The following ERC2 variants were observed in gnomAD, a reference collection of about 807,000 sequenced individuals.
The protein encoded by ERC2 is ELKS/RAB6-interacting/CAST family member 2.
Under a neutral mutation model 114.8 loss-of-function variants are expected in ERC2, and 42 were observed. That is an observed-to-expected ratio of 0.37 (90% CI 0.29 to 0.47). ERC2 has a LOEUF of 0.47. ERC2 is among the 20% of genes least tolerant of loss of function. The pLI is 0.99. For missense variants in ERC2, 939 were observed against 1,150.7 expected, an observed-to-expected ratio of 0.82 and a Z score of 2.66; for synonymous variants, 454 against 425.5, an observed-to-expected ratio of 1.07 and a Z score of -0.82.
chr3:55,743,484 CCTT>C (rs2066098936), intron 14 of ERC2, among the ~76,000 whole-genome samples: 2 of 151,236 alleles, frequency 1.3e-5, no homozygotes, highest in African/African-American at 4.9e-5. Context: ...TGAATCCTGT[CCTT>C]CTAGAGAATT....
At chr3:55,697,304 T>C (rs554911721) in intron 16 of ERC2, among the ~76,000 whole-genome samples, 1 of 152,294 alleles carries the variant, frequency 6.6e-6, no homozygotes, top group East Asian at 1.9e-4. Context: ...TGTCCATGGG[T>C]TGCTTAGAGT....
chr3:55,584,895 C>T (rs2057516815), intron 17 of ERC2, among the ~76,000 whole-genome samples: 1 of 152,202 alleles, frequency 6.6e-6, no homozygotes, highest in Non-Finnish European at 1.5e-5. Flanking sequence ...TCAAGCTAAG[C>T]AGAGGCCCTG....
At chr3:55,772,290 G>C (rs1348562176) in intron 14 of ERC2, among the ~76,000 whole-genome samples, 3 of 150,820 alleles carry the variant, frequency 2.0e-5, no homozygotes, top group Non-Finnish European at 4.4e-5. Context: ...CTGCAGGCAT[G>C]CACCACCACG....
Position 55,695,674 on chromosome 3 carries a change from C to T in ERC2, c.2847+3704G>A, listed in dbSNP as rs114371672. Among the ~76,000 whole-genome samples, 350 of 152,266 alleles carry T rather than the reference C, an allele frequency of 2.3e-3. 1 individual carries two copies. Among genetic ancestry groups the T allele is most frequent in the Middle Eastern group, 3.4e-3 (1 of 294 alleles). On this transcript the variant is annotated intron_variant, in intron 16 of 17. Transcript: ENST00000288221. ...CAGGAAATGAATGGAAGAGGCACTT[C>T]CATTTTCGGTTGTGCAAAGCAAGAA...
At chr3:56,147,748 T>A (rs989934609) in intron 5 of ERC2, among the ~76,000 whole-genome samples, 1 of 152,248 alleles carries the variant, frequency 6.6e-6, no homozygotes, top group African/African-American at 2.4e-5. Flanking sequence ...AGAAAACAAA[T>A]TTTTTTAATT....
intron 2 of ERC2, among the ~76,000 whole-genome samples, chr3:56,419,760 C>T (rs1203893312): frequency 1.3e-5 from 2 of 152,106 alleles, no homozygotes; most frequent in African/African-American, 2.4e-5. Context: ...AGATGCCCTT[C>T]GAGTTTGCAG....
At chr3:56,106,410 A>G (rs1221868813) in intron 6 of ERC2, among the ~76,000 whole-genome samples, 1 of 152,202 alleles carries the variant, frequency 6.6e-6, no homozygotes, top group Non-Finnish European at 1.5e-5. Context: ...AACCAAAAGT[A>G]TTAATGTTTA....
chr3:55,968,741 A>C (rs1405302336), intron 12 of ERC2, among the ~76,000 whole-genome samples: 1 of 152,200 alleles, frequency 6.6e-6, no homozygotes, highest in African/African-American at 2.4e-5. Context: ...ATTAACAATA[A>C]TGAGAGATAT....
At chr3:55,807,539 G>A (rs2059538249) in intron 14 of ERC2, among the ~76,000 whole-genome samples, 1 of 152,150 alleles carries the variant, frequency 6.6e-6, no homozygotes, top group South Asian at 2.1e-4. Context: ...CTCTGCTACT[G>A]TAGCACAAAA....
In ERC2 at chr3:55,888,271, G is replaced by A. The variant is rs1421140511; in HGVS notation, c.2564+118C>T. On this transcript the variant is annotated intron_variant, in intron 14 of 17. Coordinates refer to ENST00000288221, the MANE Select transcript of ERC2 (RefSeq NM_015576.3). ...CATACTTTCAGAAATGACCAGGCAA[G>A]TGTGAGCTAAATTATTCTTTTTCTG... is the stretch of plus-strand genomic sequence containing the variant. The A allele has an allele frequency of 3.3e-6, 4 of 1,207,834 alleles. No individual in the cohort carries two copies. The East Asian group carries it at 7.1e-5, about 21-fold the overall frequency. The allele number at this position is 1,207,834 out of a possible 1,614,324, so 74.8% of individuals were successfully genotyped here.
intron 17 of ERC2, among the ~76,000 whole-genome samples, chr3:55,552,722 T>C (rs987914410): frequency 6.6e-6 from 1 of 151,788 alleles, no homozygotes; most frequent in African/African-American, 2.4e-5. Context: ...TTAGCATTCA[T>C]ATAATTTCTG....
chr3:55,627,523 T>A (rs935835919), intron 17 of ERC2, among the ~76,000 whole-genome samples: 1 of 152,056 alleles, frequency 6.6e-6, no homozygotes, highest in African/African-American at 2.4e-5. Context: ...TGGGTCTGTT[T>A]AACAATCATT....
chr3:55,723,847 G>A (rs975633510), intron 15 of ERC2, among the ~76,000 whole-genome samples: 1 of 152,154 alleles, frequency 6.6e-6, no homozygotes, highest in African/African-American at 2.4e-5. Context: ...GAAGCAAAAA[G>A]GAAGTGAAAA....
intron 7 of ERC2, among the ~76,000 whole-genome samples, chr3:56,079,984 A>G (rs1340861086): frequency 6.6e-6 from 1 of 152,128 alleles, no homozygotes; most frequent in African/African-American, 2.4e-5. Flanking sequence ...GGATGGCAGC[A>G]TCCAGGTCAG....
At chr3:55,585,594 T>C (rs2057556796) in intron 17 of ERC2, among the ~76,000 whole-genome samples, 1 of 152,170 alleles carries the variant, frequency 6.6e-6, no homozygotes, top group Non-Finnish European at 1.5e-5. Flanking sequence ...AGGGTGTGGC[T>C]CAAAAACAAG....
intron 2 of ERC2, among the ~76,000 whole-genome samples, chr3:56,427,964 C>G (rs1408289887): frequency 6.6e-6 from 1 of 152,102 alleles, no homozygotes; most frequent in Non-Finnish European, 1.5e-5. Context: ...ATGGACTGAC[C>G]AGAAAATCCG....
intron 15 of ERC2, among the ~76,000 whole-genome samples, chr3:55,700,504 A>G (rs2063166810): frequency 6.6e-6 from 1 of 152,234 alleles, no homozygotes; most frequent in South Asian, 2.1e-4. Context: ...GCTAGGAGCG[A>G]ATGATACGAT....
At chr3:55,573,765 G>A (rs58298109) in intron 17 of ERC2, among the ~76,000 whole-genome samples, 1,752 of 152,138 alleles carry the variant, frequency 0.012, 31 homozygotes, top group African/African-American at 0.04. Context: ...AGCCTGCCAC[G>A]TGCCTTCAGC....
chr3:56,043,787 C>A (rs1417773069), intron 7 of ERC2, among the ~76,000 whole-genome samples: 3 of 152,128 alleles, frequency 2.0e-5, no homozygotes, highest in African/African-American at 7.2e-5. Context: ...AATTCCTCAT[C>A]TACAATTCAA....
Sources: allele counts gnomAD v4.1 joint callset (sites outside exome capture counted in the v4.1 genomes callset), GRCh38; gene constraint gnomAD v4.1.1; transcripts MANE v1.5; gene names NCBI Gene and HGNC (gene_info 2026-07-23, HGNC 2026-07-21).